Variants in SLC71A1 observed in about 807,000 individuals in gnomAD.
SLC71A1 encodes solute carrier family 71 member 1.
At chr1:100,052,959 T>C in the SLC71A1 span, among the ~76,000 whole-genome samples, 1 of 151,890 alleles carries the variant, frequency 6.6e-6, no homozygotes, top group South Asian at 2.1e-4. Flanking sequence ...AATTTTTGTA[T>C]TTTTAATAGA....
the SLC71A1 span, among the ~76,000 whole-genome samples, chr1:100,073,072 GGGGGCCAGAAGCCTTA>G: frequency 1.5e-4 from 23 of 152,094 alleles, no homozygotes; most frequent in Non-Finnish European, 3.1e-4. Context: ...GCCAGGTTTT[GGGGGCCAGAAGCCTTA>G]GCGACATTCA....
At chr1:100,057,372 T>A in the SLC71A1 span, among the ~76,000 whole-genome samples, 11 of 150,802 alleles carry the variant, frequency 7.3e-5, no homozygotes, top group South Asian at 1.3e-3. Context: ...TTTTTTTTTT[T>A]AAGACAGGCT....
the SLC71A1 span, among the ~76,000 whole-genome samples, chr1:100,048,148 G>A: frequency 2.6e-5 from 4 of 151,888 alleles, no homozygotes; most frequent in Admixed American, 2.6e-4. Context: ...TGGTGAACAT[G>A]GTGGACAAAA....
At chr1:100,050,739 C>T in the SLC71A1 span, among the ~76,000 whole-genome samples, 1 of 152,056 alleles carries the variant, frequency 6.6e-6, no homozygotes, top group African/African-American at 2.4e-5. Flanking sequence ...AGAACATTTA[C>T]AGTACATATT....
chr1:100,059,228 C>T, the SLC71A1 span, among the ~76,000 whole-genome samples: 1 of 135,644 alleles, frequency 7.4e-6, no homozygotes, highest in African/African-American at 2.8e-5. Context: ...GATCTCAGCT[C>T]ACTGCTGAGA....
the SLC71A1 span, among the ~76,000 whole-genome samples, chr1:100,058,970 A>C: frequency 2.4e-3 from 362 of 152,126 alleles, no homozygotes; most frequent in African/African-American, 7.7e-3. Context: ...AAACCACATC[A>C]TAACAGATTC....
chr1:100,042,347 T>A, the SLC71A1 span, among the ~76,000 whole-genome samples: 1 of 152,214 alleles, frequency 6.6e-6, no homozygotes, highest in Admixed American at 6.5e-5. Context: ...GAAAATGAAA[T>A]GCATATCCCT....
the SLC71A1 span, chr1:100,068,124 T>A: frequency 1.9e-6 from 3 of 1,614,114 alleles, no homozygotes; most frequent in Non-Finnish European, 2.5e-6. Context: ...TGTGCCAGAG[T>A]CGTTGCCTGA....
the SLC71A1 span, chr1:100,068,708 T>A: frequency 1.5e-6 from 1 of 669,796 alleles, no homozygotes; most frequent in Admixed American, 2.8e-5. Flanking sequence ...TTGGACTTGG[T>A]ATAGTGGCTC....
the SLC71A1 span, among the ~76,000 whole-genome samples, chr1:100,076,613 A>C: frequency 2.4e-4 from 37 of 152,350 alleles, no homozygotes; most frequent in Non-Finnish European, 5.0e-4. Flanking sequence ...AGAGCCACAC[A>C]AAGCCAAGAT....
chr1:100,049,321 G>GTT, the SLC71A1 span, among the ~76,000 whole-genome samples: 25 of 129,526 alleles, frequency 1.9e-4, no homozygotes, highest in Middle Eastern at 4.1e-3. Context: ...TTCATTTATG[G>GTT]TTTTTTTTTT....
chr1:100,043,077 C>G, the SLC71A1 span: 2 of 984,630 alleles, frequency 2.0e-6, no homozygotes, highest in Non-Finnish European at 1.2e-6. Flanking sequence ...TTTCAGATGG[C>G]TATATGCATC....
At chr1:100,052,424 CTTTTTTTTTTTT>C in the SLC71A1 span, among the ~76,000 whole-genome samples, 302 of 119,652 alleles carry the variant, frequency 2.5e-3, 2 homozygotes, top group Non-Finnish European at 3.9e-3. Context: ...TAATATATTC[CTTTTTTTTTTTT>C]TTTTTTTTTT....
chr1:100,062,015 A>G, the SLC71A1 span: 481 of 967,282 alleles, frequency 5.0e-4, 7 homozygotes, highest in South Asian at 6.6e-3. Flanking sequence ...GATAAATATT[A>G]TTATAAGGAG....
At chr1:100,055,333 A>G in the SLC71A1 span, among the ~76,000 whole-genome samples, 1 of 149,620 alleles carries the variant, frequency 6.7e-6, no homozygotes, top group East Asian at 1.9e-4. Context: ...AGAGGACTAG[A>G]TCTTTTTTGC....
At chr1:100,068,759 G>T in the SLC71A1 span, among the ~76,000 whole-genome samples, 1 of 152,158 alleles carries the variant, frequency 6.6e-6, no homozygotes, top group East Asian at 1.9e-4. Flanking sequence ...AAGGTGGGTG[G>T]ATCAGCTGAG....
the SLC71A1 span, among the ~76,000 whole-genome samples, chr1:100,063,402 G>A: frequency 2.0e-5 from 3 of 152,168 alleles, no homozygotes; most frequent in Non-Finnish European, 4.4e-5. Context: ...AGTTTGGGAG[G>A]CCAAGGCAGG....
At chr1:100,063,447 C>T in the SLC71A1 span, among the ~76,000 whole-genome samples, 7 of 151,814 alleles carry the variant, frequency 4.6e-5, no homozygotes, top group Non-Finnish European at 1.0e-4. Context: ...GAGGCTGCAG[C>T]TATGATCATG....
At chr1:100,038,588 G>A in the SLC71A1 span, among the ~76,000 whole-genome samples, 1 of 152,128 alleles carries the variant, frequency 6.6e-6, no homozygotes, top group Non-Finnish European at 1.5e-5. Context: ...CTGCGGCCTC[G>A]AACCCCACGT....
Sources: allele counts gnomAD v4.1 joint callset (sites outside exome capture counted in the v4.1 genomes callset), GRCh38; gene constraint gnomAD v4.1.1; transcripts MANE v1.5; gene names NCBI Gene and HGNC (gene_info 2026-07-23, HGNC 2026-07-21).